The following PRIM2 variants were observed in gnomAD, a reference collection of about 807,000 sequenced individuals.
The protein encoded by PRIM2 is DNA primase large subunit.
PRIM2 carries 39 observed loss-of-function variants against 67.3 expected under a neutral mutation model. That is an observed-to-expected ratio of 0.58 (90% CI 0.45 to 0.76). PRIM2 has a LOEUF of 0.76. PRIM2 is among the 30% of genes least tolerant of loss of function. The pLI, the probability that PRIM2 is intolerant of heterozygous loss-of-function variation, is 0.00. For missense variants in PRIM2, 398 were observed against 598.7 expected, an observed-to-expected ratio of 0.66 and a Z score of 3.50; for synonymous variants, 143 against 198.7, an observed-to-expected ratio of 0.72 and a Z score of 2.36.
At chr6:57,309,242 A>C in the PRIM2 span, among the ~76,000 whole-genome samples, 1 of 148,226 alleles carries the variant, frequency 6.7e-6, no homozygotes, top group East Asian at 2.0e-4. Flanking sequence ...TGCACCCACT[A>C]ACTCGTCATC....
chr6:57,515,036 ATC>A (rs1332123212), intron 8 of PRIM2, among the ~76,000 whole-genome samples: 2 of 152,180 alleles, frequency 1.3e-5, no homozygotes, highest in East Asian at 3.8e-4. Context: ...ATATAAAATC[ATC>A]TCCCTCCCTA....
Position 57,474,173 on chromosome 6 carries a change from C to CT in PRIM2, c.694-33184dup, listed in dbSNP as rs1158188964. Among the ~76,000 whole-genome samples the CT allele has an allele frequency of 7.0e-3, 449 of 63,974 alleles. 109 individuals carry two copies. Among genetic ancestry groups the CT allele is most frequent in the African/African-American group, 0.015 (230 of 15,206 alleles). The allele number at this position is 63,974 out of a possible 152,430, so 42.0% of individuals were successfully genotyped here. On this transcript the variant is annotated intron_variant, in intron 7 of 13. Coordinates refer to ENST00000615550, the MANE Select transcript of PRIM2 (RefSeq NM_000947.5). ...TCTACTTTTTCTGCAATTCTGCTAT[C>CT]TTTTTTTTTTTTTTTTTTTTTTTTT... is the stretch of plus-strand genomic sequence containing the variant.
At chr6:57,474,790 T>A (rs1255973260) in intron 7 of PRIM2, among the ~76,000 whole-genome samples, 1 of 152,118 alleles carries the variant, frequency 6.6e-6, no homozygotes, top group Non-Finnish European at 1.5e-5. Context: ...TGGAGGCTAG[T>A]GTGTGAGAGA....
chr6:57,411,260 C>T (rs1399730674), intron 7 of PRIM2, among the ~76,000 whole-genome samples: 6 of 152,082 alleles, frequency 3.9e-5, no homozygotes, highest in African/African-American at 1.4e-4. Context: ...GTATAGCCTG[C>T]AGAACTGTGA....
intron 7 of PRIM2, among the ~76,000 whole-genome samples, chr6:57,457,634 A>G (rs1772848048): frequency 6.6e-6 from 1 of 152,108 alleles, no homozygotes; most frequent in East Asian, 1.9e-4. Context: ...TGACCGTTGT[A>G]AAAGTGCAGT....
At chr6:57,580,584 A>G (rs1383229494) in intron 10 of PRIM2, among the ~76,000 whole-genome samples, 4 of 152,198 alleles carry the variant, frequency 2.6e-5, no homozygotes, top group South Asian at 2.1e-4. Flanking sequence ...TGCAAGGCCT[A>G]TTTGTTCACA....
At chr6:57,242,623 T>C in the PRIM2 span, among the ~76,000 whole-genome samples, 1 of 152,358 alleles carries the variant, frequency 6.6e-6, no homozygotes, top group African/African-American at 2.4e-5. Flanking sequence ...TAAACAATTT[T>C]AAAGTTCTTA....
chr6:57,599,885 C>T (rs1487184921), intron 10 of PRIM2, among the ~76,000 whole-genome samples: 1 of 152,152 alleles, frequency 6.6e-6, no homozygotes, highest in African/African-American at 2.4e-5. Flanking sequence ...TGCAATGCCA[C>T]GATCATAGCT....
At position 57,555,421 on chromosome 6, in the gene PRIM2, A is replaced by G. The variant is rs1278288082; in HGVS notation, c.1020+17796A>G. Among the ~76,000 whole-genome samples the G allele has an allele frequency of 3.3e-5, 5 of 152,174 alleles. No homozygotes were observed. In the East Asian group the frequency reaches 9.6e-4, roughly 29 times the overall value. ...CAGCCTCCCAAGTACCTGGGACTAT[A>G]GTTGTGCACCACCACGTCTGGCTAA... On this transcript the variant is annotated intron_variant, in intron 10 of 13. Transcript: ENST00000615550.
At chr6:57,643,697 T>C (rs1410568109) in intron 13 of PRIM2, among the ~76,000 whole-genome samples, 1 of 152,182 alleles carries the variant, frequency 6.6e-6, no homozygotes, top group Admixed American at 6.5e-5. Context: ...AGTTCACAAA[T>C]GATTCCATTG....
At chr6:57,587,537 G>T (rs1776213164) in intron 10 of PRIM2, among the ~76,000 whole-genome samples, 1 of 151,790 alleles carries the variant, frequency 6.6e-6, no homozygotes, top group South Asian at 2.1e-4. Context: ...GGTGGCGGAT[G>T]CCTGTAGTCA....
At chr6:57,468,054 T>A (rs1486765108) in intron 7 of PRIM2, among the ~76,000 whole-genome samples, 11 of 152,206 alleles carry the variant, frequency 7.2e-5, no homozygotes, top group Middle Eastern at 3.2e-3. Flanking sequence ...TTTCTAAATA[T>A]ACAATTACGT....
At chr6:57,530,954 C>G (rs1234336404) in intron 8 of PRIM2, among the ~76,000 whole-genome samples, 1 of 152,162 alleles carries the variant, frequency 6.6e-6, no homozygotes, top group African/African-American at 2.4e-5. Flanking sequence ...CTGCCTGCCT[C>G]AGCCTCCCAA....
chr6:57,406,646 C>G (rs1200486779), intron 7 of PRIM2, among the ~76,000 whole-genome samples: 1 of 151,776 alleles, frequency 6.6e-6, no homozygotes, highest in Non-Finnish European at 1.5e-5. Context: ...TTGGAAATAA[C>G]CAAGGAATGA....
At chr6:57,231,851 A>AG in the PRIM2 span, among the ~76,000 whole-genome samples, 22 of 33,710 alleles carry the variant, frequency 6.5e-4, no homozygotes, top group African/African-American at 1.1e-3. Flanking sequence ...AGAATCCCTA[A>AG]GGGAAAAAAA....
chr6:57,356,409 A>G (rs1306602995), intron 5 of PRIM2, among the ~76,000 whole-genome samples: 1 of 152,196 alleles, frequency 6.6e-6, no homozygotes, highest in Non-Finnish European at 1.5e-5. Flanking sequence ...TAGCTTTTGT[A>G]TGAGATTTGC....
intron 10 of PRIM2, among the ~76,000 whole-genome samples, chr6:57,564,353 C>T (rs1375364658): frequency 3.9e-5 from 6 of 152,152 alleles, no homozygotes; most frequent in African/African-American, 1.4e-4. Context: ...GAAATTCCAG[C>T]CTTGTATGTG....
At chr6:57,575,572 C>G (rs1775948423) in intron 10 of PRIM2, among the ~76,000 whole-genome samples, 1 of 152,134 alleles carries the variant, frequency 6.6e-6, no homozygotes, top group Non-Finnish European at 1.5e-5. Context: ...AATAAGTTAA[C>G]TATTCCTACA....
At chr6:57,470,273 T>A (rs1284460741) in intron 7 of PRIM2, among the ~76,000 whole-genome samples, 9 of 151,024 alleles carry the variant, frequency 6.0e-5, no homozygotes, top group Non-Finnish European at 1.2e-4. Flanking sequence ...ACTTGCAGCC[T>A]CTCCTCCTTG....
Sources: gnomAD v4.1 joint callset for allele counts (sites outside exome capture counted in the v4.1 genomes callset) on GRCh38, gnomAD v4.1.1 for gene constraint, MANE v1.5 for transcripts, NCBI Gene and HGNC (gene_info 2026-07-23, HGNC 2026-07-21) for gene names.